CNTRL: variants seen among roughly 807,000 people sequenced by gnomAD.
The protein encoded by CNTRL is 110 kDa centrosomal protein.
CNTRL carries 233 observed loss-of-function variants against 303.7 expected under a neutral mutation model. The ratio of observed to expected loss-of-function variants is 0.77; its 90% CI spans 0.69 to 0.86. The LOEUF is 0.86. CNTRL is among the 40% of genes least tolerant of loss of function. The probability of loss-of-function intolerance (pLI) is 0.00; values close to 1 mark genes in which losing one functional copy is unlikely to be tolerated. For synonymous variants in CNTRL, 900 were observed against 922.2 expected (o/e 0.98, Z 0.44); for missense variants, 2,524 against 2,650.6 (o/e 0.95, Z 1.05).
At position 121,158,963 on chromosome 9, in the gene CNTRL, C is replaced by T; in HGVS notation, c.4873C>T (p.Gln1625Ter). 6.2e-7 allele frequency: 1 copy of T among 1,614,164 alleles called. No homozygotes were observed. Among genetic ancestry groups the T allele is most frequent in the Admixed American group, 1.7e-5 (1 of 60,024 alleles). Reference sequence around the variant, plus strand: ...CATGGTCCAGGCAAAAGCTGACCTCCAGGAAGCTCTGAGACTGGGAGAGAC... The same window carrying T: ...CATGGTCCAGGCAAAAGCTGACCTCTAGGAAGCTCTGAGACTGGGAGAGAC... The part of the protein sequence containing the change: ...GSMVQAKADL[Q>*]EALRLGETEV... Residue 1625 changes from glutamine (Q) to a stop codon, truncating the protein, a stop_gained, in exon 31 of 44, where the codon CAG becomes TAG. Coordinates refer to ENST00000373855, the MANE Select transcript of CNTRL (RefSeq NM_007018.6). LOFTEE classifies it high-confidence loss of function.
chr9:121,150,604 CTGA>C (rs1395065504), intron 25 of CNTRL, 121 bp downstream of exon 25: 1 of 934,702 alleles, frequency 1.1e-6, no homozygotes. Context: ...GTTTGTAAGG[CTGA>C]TGTTTAGAAC....
chr9:121,141,408 G>GA lies in CNTRL; in HGVS notation c.2515dup (p.Ser839LysfsTer4). 1 of 1,613,862 alleles carries GA rather than the reference G, an allele frequency of 6.2e-7. No individual in the cohort carries two copies. The highest frequency in any genetic ancestry group is 2.2e-5 in the East Asian group (1 of 44,882). Reference sequence around the variant, plus strand: ...TCCATAGTCCTTCAGATGTCTTAGGGAAAAGTCTTGCTGATTTACAGAAAC... The same window carrying GA: ...TCCATAGTCCTTCAGATGTCTTAGGGAAAAAGTCTTGCTGATTTACAGAAAC... On this transcript the variant is annotated frameshift_variant, in exon 18 of 44. Coordinates refer to ENST00000373855, the MANE Select transcript of CNTRL (RefSeq NM_007018.6). LOFTEE classifies it high-confidence loss of function.
At chr9:121,098,864 C>G (rs1046425488) in intron 7 of CNTRL, among the ~76,000 whole-genome samples, 1 of 151,562 alleles carries the variant, frequency 6.6e-6, no homozygotes, top group Admixed American at 6.6e-5. Context: ...ACAGGGGAAC[C>G]CTCTTTGTGG....
chr9:121,144,932 G>C lies in CNTRL; in HGVS notation c.3141G>C (p.Gln1047His). Residue 1047 changes from glutamine (Q) to histidine (H), a missense_variant, in exon 21 of 44, where the codon CAG becomes CAC. By Grantham distance (24) the Gln-to-His change is conservative. Transcript: ENST00000373855. ...TRAEAEIELL[Q>H]NLLRQKGEQF... is the part of the protein sequence containing the mutation. ...CAGAAGCTGAGATCGAACTCCTGCA[G>C]AATCTCCTCAGGCAGAAGGGGGAGC... 6.2e-7 allele frequency: 1 copy of C among 1,613,542 alleles called. No individual in the cohort carries two copies. The highest frequency in any genetic ancestry group is 8.5e-7 in the Non-Finnish European group (1 of 1,179,844).
chr9:121,163,223 G>A (rs1049604957), intron 34 of CNTRL, among the ~76,000 whole-genome samples: 2 of 150,418 alleles, frequency 1.3e-5, no homozygotes, highest in Non-Finnish European at 3.0e-5. Context: ...GGGAAGCTGA[G>A]GTGGGAGAAT....
chr9:121,079,622 T>C (rs2048061858), intron 1 of CNTRL, among the ~76,000 whole-genome samples: 1 of 152,228 alleles, frequency 6.6e-6, no homozygotes, highest in Admixed American at 6.5e-5. Context: ...TTGTTTATAT[T>C]TTTTACATTT....
chr9:121,099,816 A>C (rs2049060086), intron 7 of CNTRL, among the ~76,000 whole-genome samples: 1 of 152,248 alleles, frequency 6.6e-6, no homozygotes, highest in Non-Finnish European at 1.5e-5. Context: ...TCAGTGATTG[A>C]AGATCAAGTG....
intron 15 of CNTRL, among the ~76,000 whole-genome samples, chr9:121,136,589 G>A (rs946283132): frequency 6.6e-6 from 1 of 152,216 alleles, no homozygotes; most frequent in African/African-American, 2.4e-5. Context: ...GGGATTACAG[G>A]CATGGGCCAC....
At chr9:121,133,121 G>C (rs1056756055) in intron 14 of CNTRL, among the ~76,000 whole-genome samples, 2 of 152,250 alleles carry the variant, frequency 1.3e-5, no homozygotes, top group African/African-American at 2.4e-5. Context: ...GAGGCAGTCT[G>C]TCCGTTCTCT....
At chr9:121,099,435 C>T (rs1231583681) in intron 7 of CNTRL, among the ~76,000 whole-genome samples, 2 of 152,142 alleles carry the variant, frequency 1.3e-5, no homozygotes, top group African/African-American at 4.8e-5. Flanking sequence ...GTAGATAAAA[C>T]CACAAAGATG....
chr9:121,105,155 A>G (rs1447093057), intron 7 of CNTRL, among the ~76,000 whole-genome samples: 2 of 152,230 alleles, frequency 1.3e-5, no homozygotes, highest in Non-Finnish European at 2.9e-5. Context: ...CCATCTGAAT[A>G]CATTCACAAG....
intron 9 of CNTRL, among the ~76,000 whole-genome samples, chr9:121,113,160 A>C (rs530377572): frequency 1.4e-4 from 21 of 152,182 alleles, no homozygotes; most frequent in African/African-American, 4.6e-4. Flanking sequence ...TATTTATATG[A>C]GCCAAGAAAC....
At chr9:121,142,333 A>G (rs920691758) in intron 19 of CNTRL, 63 bp downstream of exon 19, 2 of 1,424,456 alleles carry the variant, frequency 1.4e-6, no homozygotes, top group African/African-American at 2.9e-5. Context: ...CCCACTGGCA[A>G]CTAGGTCAGC....
chr9:121,120,563 G>A (rs990849672), intron 12 of CNTRL, among the ~76,000 whole-genome samples: 4 of 152,174 alleles, frequency 2.6e-5, no homozygotes, highest in African/African-American at 9.7e-5. Context: ...GTTTATGAAT[G>A]CTTGCATTGT....
intron 43 of CNTRL, 68 bp downstream of exon 43, chr9:121,175,292 G>A: frequency 7.0e-7 from 1 of 1,434,938 alleles, no homozygotes; most frequent in Non-Finnish European, 9.7e-7. Flanking sequence ...TTTGAGACAA[G>A]GTCTTGCCCT....
At chr9:121,106,648 A>C (rs1410692068) in intron 7 of CNTRL, among the ~76,000 whole-genome samples, 5 of 152,160 alleles carry the variant, frequency 3.3e-5, no homozygotes, top group Non-Finnish European at 7.3e-5. Context: ...AAGGTATCAA[A>C]TAGCCAATTT....
At chr9:121,174,853 A>G (rs1442297737) in intron 42 of CNTRL, among the ~76,000 whole-genome samples, 165 bp from the exon 43 acceptor site, 1 of 152,164 alleles carries the variant, frequency 6.6e-6, no homozygotes, top group Non-Finnish European at 1.5e-5. Flanking sequence ...TATGCACACT[A>G]AGTATCCACC....
At position 121,100,000 on chromosome 9, in the gene CNTRL, G is replaced by T. The variant is rs573432545; in HGVS notation, c.808+1428G>T. ...AAAACACTCTTCAGGATATTATCCA[G>T]GAGAACTTCCCCAACCTAGCAAGGC... On this transcript the variant is annotated intron_variant, in intron 7 of 43. Transcript: ENST00000373855. 8.5e-5 allele frequency among the ~76,000 whole-genome samples: 13 copies of T among 152,332 alleles called. No homozygotes were observed. In the East Asian group the frequency reaches 2.5e-3, roughly 29 times the overall value.
In CNTRL at chr9:121,125,831, G is replaced by A; in HGVS notation, c.1920G>A (p.Arg640=). Residue 640 remains arginine, a synonymous_variant, in exon 14 of 44, where the codon AGG becomes AGA. Coordinates refer to ENST00000373855, the MANE Select transcript of CNTRL (RefSeq NM_007018.6). ...GQATQAQNEC[R]KLRDEKETLL... ...CAACTCAGGCCCAGAATGAGTGCAG[G>A]AAGCTGCGGGATGAGAAAGAGACAT... 1 of 1,614,248 alleles carries A rather than the reference G, an allele frequency of 6.2e-7. No homozygotes were observed. Among genetic ancestry groups the A allele is most frequent in the Non-Finnish European group, 8.5e-7 (1 of 1,180,032 alleles).
Sources: gnomAD v4.1 joint callset for allele counts (sites outside exome capture counted in the v4.1 genomes callset) on GRCh38, gnomAD v4.1.1 for gene constraint, MANE v1.5 for transcripts, NCBI Gene and HGNC (gene_info 2026-07-23, HGNC 2026-07-21) for gene names.